The following FOXB2 variants were observed in gnomAD, a reference collection of about 807,000 sequenced individuals.
FOXB2 encodes forkhead box protein B2.
Under a neutral mutation model 0.9 loss-of-function variants are expected in FOXB2, and 1 was observed. The ratio of observed to expected loss-of-function variants is 1.09; its 90% confidence interval spans 0.39 to 5.18. The LOEUF (loss-of-function observed/expected upper bound fraction) is 5.18, where lower values mean the gene tolerates loss of function less well. FOXB2 is among the 30% of genes most tolerant of loss of function. The pLI is 0.16. For missense variants in FOXB2, 670 were observed against 626.6 expected (o/e 1.07, Z -0.74); for synonymous variants, 322 against 293.5 (o/e 1.10, Z -0.99).
chr9:77,020,694 C>T lies in FOXB2; in HGVS notation c.1040C>T (p.Pro347Leu), dbSNP rs1164355865. ...VGPEYGAFGV[P>L]VKSLCHSASQ... ...CCGGAGTATGGGGCCTTCGGGGTCCCGGTCAAGTCCCTGTGCCACTCGGCA... is the reference window on the plus strand; with the variant it reads ...CCGGAGTATGGGGCCTTCGGGGTCCTGGTCAAGTCCCTGTGCCACTCGGCA... The change falls in exon 1 of 1, where the codon CCG becomes CTG. Residue 347 changes from proline (P) to leucine (L), a missense_variant. By Grantham distance (98) the Pro-to-Leu change is moderately conservative. Coordinates refer to ENST00000376708, the MANE Select transcript of FOXB2 (RefSeq NM_001013735.1). The surrounding 1 kb of genome is among the most constrained non-coding windows in gnomAD (Gnocchi z 4.9). The T allele has an allele frequency of 2.5e-6, 4 of 1,601,338 alleles. No individual in the cohort carries two copies. The South Asian group carries it at 4.5e-5, about 18-fold the overall frequency.
Position 77,020,670 on chromosome 9 carries a change from C to A in FOXB2, c.1016C>A (p.Pro339Gln). 1 of 1,604,014 alleles carries A rather than the reference C, an allele frequency of 6.2e-7. No homozygotes were observed. Residue 339 changes from proline to glutamine, a missense_variant, in exon 1 of 1, where the codon CCG becomes CAG. Transcript: ENST00000376708. The surrounding 1 kb of genome is among the most constrained non-coding windows in gnomAD (Gnocchi z 4.9). ...GCCGCAGCCGGAGTCCCTGTAGGCC[C>A]GGAGTATGGGGCCTTCGGGGTCCCG... Reference protein sequence around the residue: ...AAAAAGVPVGPEYGAFGVPVK... With the variant: ...AAAAAGVPVGQEYGAFGVPVK...
At position 77,020,591 on chromosome 9, in the gene FOXB2, GT is replaced by G; in HGVS notation, c.938del (p.Val313GlyfsTer25). 1 of 1,608,140 alleles carries G rather than the reference GT, an allele frequency of 6.2e-7. No homozygotes were observed. The highest frequency in any genetic ancestry group is 8.5e-7 in the Non-Finnish European group (1 of 1,178,640). ...PGQLGNVVSSVWPHVGVMDSV... is the reference protein window; with the variant it reads ...PGQLGNVVSSXWPHVGVMDSV... Reference sequence around the variant, plus strand: ...CCAGCTTGGCAACGTCGTCAGCTCCGTGTGGCCGCACGTTGGCGTCATGGAT... The same window carrying G: ...CCAGCTTGGCAACGTCGTCAGCTCCGGTGGCCGCACGTTGGCGTCATGGAT... On this transcript the variant is annotated frameshift_variant, in exon 1 of 1. Transcript: ENST00000376708. LOFTEE classifies it low-confidence loss of function (END_TRUNC). This position sits in a 1 kb window ranked among gnomAD's most constrained non-coding sequence, Gnocchi z 4.9.
chr9:77,020,170 G>A lies in FOXB2; in HGVS notation c.516G>A (p.Pro172=). The change falls in exon 1 of 1, where the codon CCG becomes CCA. Residue 172 remains proline (P), a synonymous_variant. Coordinates refer to ENST00000376708, the MANE Select transcript of FOXB2 (RefSeq NM_001013735.1). The surrounding 1 kb of genome is among the most constrained non-coding windows in gnomAD (Gnocchi z 4.9). The part of the protein sequence containing the change: ...PPQPPPPPPP[P]PPHMVHYFHQ... Reference sequence around the variant, plus strand: ...AGCCGCCGCCGCCGCCGCCCCCGCCGCCGCCGCACATGGTACACTATTTCC... The same window carrying A: ...AGCCGCCGCCGCCGCCGCCCCCGCCACCGCCGCACATGGTACACTATTTCC... 8.1e-7 allele frequency: 1 copy of A among 1,235,920 alleles called. No homozygotes were observed. The allele number at this position is 1,235,920 out of a possible 1,614,324, so 76.6% of individuals were successfully genotyped here.
At position 77,020,076 on chromosome 9, in the gene FOXB2, ACCACCACCC is replaced by A; in HGVS notation, c.431_439del (p.Pro144_His146del). 2 of 1,120,668 alleles carry A rather than the reference ACCACCACCC, an allele frequency of 1.8e-6. No individual in the cohort carries two copies. Among genetic ancestry groups the A allele is most frequent in the South Asian group, 1.3e-5 (1 of 76,076 alleles). The allele number at this position is 1,120,668 out of a possible 1,614,324, so 69.4% of individuals were successfully genotyped here. ...GGAGGGCACCTTCACCCCCATCACCACCACCACCCCCACCACCACCATCATCACCACGCT... is the reference window on the plus strand; with the variant it reads ...GGAGGGCACCTTCACCCCCATCACCACCACCACCACCATCATCACCACGCT... On this transcript the variant is annotated inframe_deletion, in exon 1 of 1. Transcript: ENST00000376708. The surrounding 1 kb of genome is among the most constrained non-coding windows in gnomAD (Gnocchi z 4.9).
Position 77,020,214 on chromosome 9 carries a change from C to T in FOXB2, c.560C>T (p.Ala187Val), listed in dbSNP as rs1395270631. 4 of 1,184,420 alleles carry T rather than the reference C, an allele frequency of 3.4e-6. No homozygotes were observed. Among genetic ancestry groups the T allele is most frequent in the Non-Finnish European group, 5.0e-6 (4 of 802,178 alleles). The allele number at this position is 1,184,420 out of a possible 1,614,324, so 73.4% of individuals were successfully genotyped here. Residue 187 changes from alanine (A) to valine (V), a missense_variant, in exon 1 of 1, where the codon GCT (alanine) becomes GTT (valine). Physicochemically the swap from Ala to Val is moderately conservative, Grantham distance 64. Coordinates refer to ENST00000376708, the MANE Select transcript of FOXB2 (RefSeq NM_001013735.1). This position sits in a 1 kb window ranked among gnomAD's most constrained non-coding sequence, Gnocchi z 4.9. The stretch of plus-strand genomic sequence containing the variant: ...TATTTCCATCAGCAACCGCCTACTG[C>T]TCCGCAGCCGCCTCCGCACCTCCCG... ...VHYFHQQPPTAPQPPPHLPSQ... is the reference protein window; with the variant it reads ...VHYFHQQPPTVPQPPPHLPSQ...
At position 77,020,558 on chromosome 9, in the gene FOXB2, G is replaced by A. The variant is rs200620036; in HGVS notation, c.904G>A (p.Val302Met). The A allele has an allele frequency of 5.1e-4, 820 of 1,610,872 alleles. 5 individuals are homozygous for A. In the East Asian group the frequency reaches 0.014, roughly 28 times the overall value. ...CGTCATGCACCACCTGGGCTACCCC[G>A]TGCCCGGCCAGCTTGGCAACGTCGT... is the stretch of plus-strand genomic sequence containing the variant. ...ASVMHHLGYPVPGQLGNVVSS... is the reference protein window; with the variant it reads ...ASVMHHLGYPMPGQLGNVVSS... The change falls in exon 1 of 1, where the codon GTG (valine) becomes ATG (methionine). Residue 302 changes from valine (V) to methionine (M), a missense_variant. By Grantham distance (21) the Val-to-Met change is conservative. Coordinates refer to ENST00000376708, the MANE Select transcript of FOXB2 (RefSeq NM_001013735.1). The surrounding 1 kb of genome is among the most constrained non-coding windows in gnomAD (Gnocchi z 4.9).
In FOXB2 at chr9:77,019,951, C is replaced by A. The variant is rs773188709; in HGVS notation, c.297C>A (p.Asn99Lys). Residue 99 changes from asparagine (N) to lysine (K), a missense_variant, in exon 1 of 1, where the codon AAC becomes AAA. Coordinates refer to ENST00000376708, the MANE Select transcript of FOXB2 (RefSeq NM_001013735.1). This position sits in a 1 kb window ranked among gnomAD's most constrained non-coding sequence, Gnocchi z 4.4. ...LHPDCGDMFE[N>K]GSFLRRRKRF... is the part of the protein sequence containing the mutation. The stretch of plus-strand genomic sequence containing the variant: ...CCGACTGCGGGGACATGTTCGAGAA[C>A]GGCAGCTTCCTGCGGCGTCGCAAGC... The A allele has an allele frequency of 6.2e-7, 1 of 1,613,244 alleles. No individual in the cohort carries two copies. The highest frequency in any genetic ancestry group is 8.5e-7 in the Non-Finnish European group (1 of 1,180,016).
At position 77,020,421 on chromosome 9, in the gene FOXB2, C is replaced by T; in HGVS notation, c.767C>T (p.Ala256Val). 6.3e-7 allele frequency: 1 copy of T among 1,589,442 alleles called. No homozygotes were observed. The highest frequency in any genetic ancestry group is 1.7e-5 in the Admixed American group (1 of 58,174). ...PYGLGSAAAAAAAAAASTSGF... is the reference protein window; with the variant it reads ...PYGLGSAAAAVAAAAASTSGF... ...GGGCTGGGCTCGGCCGCCGCCGCTG[C>T]CGCCGCGGCCGCGGCGTCCACGTCA... The change falls in exon 1 of 1, where the codon GCC becomes GTC. Residue 256 changes from alanine to valine, a missense_variant. Coordinates refer to ENST00000376708, the MANE Select transcript of FOXB2 (RefSeq NM_001013735.1). This position sits in a 1 kb window ranked among gnomAD's most constrained non-coding sequence, Gnocchi z 4.9.
chr9:77,019,658 C>A lies in FOXB2; in HGVS notation c.4C>A (p.Pro2Thr). 6.4e-7 allele frequency: 1 copy of A among 1,567,662 alleles called. No homozygotes were observed. The highest frequency in any genetic ancestry group is 1.2e-5 in the South Asian group (1 of 85,846). ...GGCGGTGGAGGAGCCGGGGGCGATG[C>A]CGCGGCCGGGGAAGAGCTCGTACAG... The part of the protein sequence containing the change: M[P>T]RPGKSSYSDQ... The change falls in exon 1 of 1, where the codon CCG (proline) becomes ACG (threonine). Residue 2 changes from proline to threonine, a missense_variant. Physicochemically the swap from Pro to Thr is conservative, Grantham distance 38. Transcript: ENST00000376708. The surrounding 1 kb of genome is among the most constrained non-coding windows in gnomAD (Gnocchi z 4.4).
Position 77,020,075 on chromosome 9 carries a change from CA to C in FOXB2, c.422del (p.His141ProfsTer197). On this transcript the variant is annotated frameshift_variant, in exon 1 of 1. Transcript: ENST00000376708. LOFTEE classifies it low-confidence loss of function (END_TRUNC). This position sits in a 1 kb window ranked among gnomAD's most constrained non-coding sequence, Gnocchi z 4.9. Reference protein sequence around the residue: ...GPGGHLHPHHHHHPHHHHHHH... With the variant: ...GPGGHLHPHHXHHPHHHHHHH... Reference sequence around the variant, plus strand: ...GGGAGGGCACCTTCACCCCCATCACCACCACCACCCCCACCACCACCATCAT... The same window carrying C: ...GGGAGGGCACCTTCACCCCCATCACCCCACCACCCCCACCACCACCATCAT... 1 of 1,547,874 alleles carries C rather than the reference CA, an allele frequency of 6.5e-7. No homozygotes were observed. Among genetic ancestry groups the C allele is most frequent in the Non-Finnish European group, 8.7e-7 (1 of 1,147,700 alleles).
rs368133392 is a variant in FOXB2 at position 77,019,678 on chromosome 9, G to C, written c.24G>C (p.Ser8=). ...CGATGCCGCGGCCGGGGAAGAGCTC[G>C]TACAGCGACCAAAAACCGCCCTACT... is the stretch of plus-strand genomic sequence containing the variant. MPRPGKS[S]YSDQKPPYSY... The change falls in exon 1 of 1, where the codon TCG becomes TCC. Residue 8 remains serine (S), a synonymous_variant. Coordinates refer to ENST00000376708, the MANE Select transcript of FOXB2 (RefSeq NM_001013735.1). The surrounding 1 kb of genome is among the most constrained non-coding windows in gnomAD (Gnocchi z 4.4). 7 of 1,593,626 alleles carry C rather than the reference G, an allele frequency of 4.4e-6. No homozygotes were observed. Among genetic ancestry groups the C allele is most frequent in the East Asian group, 2.3e-5 (1 of 43,646 alleles).
Position 77,020,029 on chromosome 9 carries a change from G to A in FOXB2, c.375G>A (p.Lys125=). ...CTCACTTGCACGCGGGAAGCACCAA[G>A]AGCGCGCCGGGCGCCGGTCCGGGAG... ...DHTHLHAGST[K]SAPGAGPGGH... is the part of the protein sequence containing the mutation. The change falls in exon 1 of 1, where the codon AAG becomes AAA. Residue 125 remains lysine (K), a synonymous_variant. Coordinates refer to ENST00000376708, the MANE Select transcript of FOXB2 (RefSeq NM_001013735.1). The surrounding 1 kb of genome is among the most constrained non-coding windows in gnomAD (Gnocchi z 4.9). 5 of 1,609,468 alleles carry A rather than the reference G, an allele frequency of 3.1e-6. No homozygotes were observed. Among genetic ancestry groups the A allele is most frequent in the South Asian group, 1.1e-5 (1 of 90,844 alleles).
Position 77,020,392 on chromosome 9 carries a change from C to G in FOXB2, c.738C>G (p.Pro246=), listed in dbSNP as rs1226674490. Residue 246 remains proline, a synonymous_variant, in exon 1 of 1, where the codon CCC becomes CCG. Coordinates refer to ENST00000376708, the MANE Select transcript of FOXB2 (RefSeq NM_001013735.1). The surrounding 1 kb of genome is among the most constrained non-coding windows in gnomAD (Gnocchi z 4.9). The part of the protein sequence containing the change: ...GSVGRLSQFP[P]YGLGSAAAAA... ...TGGGACGCCTGTCTCAGTTCCCACC[C>G]TACGGGCTGGGCTCGGCCGCCGCCG... The G allele has an allele frequency of 1.6e-5, 25 of 1,563,694 alleles. No individual in the cohort carries two copies. Among genetic ancestry groups the G allele is most frequent in the Non-Finnish European group, 2.2e-5 (25 of 1,160,876 alleles).
At position 77,020,917 on chromosome 9, in the gene FOXB2, G is replaced by C. The variant is rs1433893061; in HGVS notation, c.1263G>C (p.Lys421Asn). 3 of 1,573,488 alleles carry C rather than the reference G, an allele frequency of 1.9e-6. No homozygotes were observed. Among genetic ancestry groups the C allele is most frequent in the East Asian group, 4.6e-5 (2 of 43,734 alleles). The change falls in exon 1 of 1, where the codon AAG (lysine) becomes AAC (asparagine). Residue 421 changes from lysine to asparagine, a missense_variant. Lys to Asn is a moderately conservative substitution (Grantham distance 94, BLOSUM62 0). Transcript: ENST00000376708. This position sits in a 1 kb window ranked among gnomAD's most constrained non-coding sequence, Gnocchi z 4.9. ...CAGCCCCTACCTCGGCCGAAAGCAA[G>C]GGCGGCTCCTTGCACTCGGTGCTAG... ...EPTAPTSAES[K>N]GGSLHSVLVH...
chr9:77,019,806 G>A lies in FOXB2; in HGVS notation c.152G>A (p.Arg51His). ...KFIMERFPYY[R>H]EHTQRWQNSL... is the part of the protein sequence containing the mutation. ...ATCATGGAGCGCTTCCCCTACTACC[G>A]CGAGCACACACAGCGCTGGCAGAAC... is the stretch of plus-strand genomic sequence containing the variant. Residue 51 changes from arginine to histidine, a missense_variant, in exon 1 of 1, where the codon CGC (arginine) becomes CAC (histidine). Arg to His is a conservative substitution (Grantham distance 29). Transcript: ENST00000376708. The surrounding 1 kb of genome is among the most constrained non-coding windows in gnomAD (Gnocchi z 4.4). 6.2e-7 allele frequency: 1 copy of A among 1,614,088 alleles called. No individual in the cohort carries two copies. Among genetic ancestry groups the A allele is most frequent in the Non-Finnish European group, 8.5e-7 (1 of 1,180,022 alleles).
rs780327644 is a variant in FOXB2 at position 77,019,811 on chromosome 9, C to T, written c.157C>T (p.His53Tyr). The T allele has an allele frequency of 2.9e-5, 46 of 1,614,006 alleles. No individual in the cohort carries two copies. Among genetic ancestry groups the T allele is most frequent in the Admixed American group, 8.3e-5 (5 of 60,004 alleles). The change falls in exon 1 of 1, where the codon CAC becomes TAC. Residue 53 changes from histidine to tyrosine, a missense_variant. Physicochemically the swap from His to Tyr is moderately conservative, Grantham distance 83. Coordinates refer to ENST00000376708, the MANE Select transcript of FOXB2 (RefSeq NM_001013735.1). This position sits in a 1 kb window ranked among gnomAD's most constrained non-coding sequence, Gnocchi z 4.4. Reference protein sequence around the residue: ...IMERFPYYREHTQRWQNSLRH... With the variant: ...IMERFPYYREYTQRWQNSLRH... ...GGAGCGCTTCCCCTACTACCGCGAG[C>T]ACACACAGCGCTGGCAGAACAGCCT...
In FOXB2 at chr9:77,020,140, AC is replaced by A; in HGVS notation, c.490del (p.Gln164SerfsTer174). On this transcript the variant is annotated frameshift_variant, in exon 1 of 1. Transcript: ENST00000376708. LOFTEE classifies it low-confidence loss of function (END_TRUNC). The surrounding 1 kb of genome is among the most constrained non-coding windows in gnomAD (Gnocchi z 4.9). ...CACACCACCACCATCACCACCACCC[AC>A]CCCAGCCGCCGCCGCCGCCGCCCCC... ...AAHHHHHHHP[P>X]QPPPPPPPPP... The A allele has an allele frequency of 1.5e-6, 2 of 1,331,442 alleles. No homozygotes were observed. Among genetic ancestry groups the A allele is most frequent in the Non-Finnish European group, 2.0e-6 (2 of 979,792 alleles). The allele number at this position is 1,331,442 out of a possible 1,614,324, so 82.5% of individuals were successfully genotyped here.
chr9:77,020,077 C>A lies in FOXB2; in HGVS notation c.423C>A (p.His141Gln), dbSNP rs757870643. 5.9e-6 allele frequency: 9 copies of A among 1,525,314 alleles called. No homozygotes were observed. In the South Asian group the frequency reaches 6.0e-5, roughly 10 times the overall value. 94.5% of individuals were successfully genotyped at this position (1,525,314 alleles called of 1,614,324 possible). ...GPGGHLHPHH[H>Q]HHPHHHHHHH... Reference sequence around the variant, plus strand: ...GAGGGCACCTTCACCCCCATCACCACCACCACCCCCACCACCACCATCATC... The same window carrying A: ...GAGGGCACCTTCACCCCCATCACCAACACCACCCCCACCACCACCATCATC... The change falls in exon 1 of 1, where the codon CAC becomes CAA. Residue 141 changes from histidine (H) to glutamine (Q), a missense_variant. Coordinates refer to ENST00000376708, the MANE Select transcript of FOXB2 (RefSeq NM_001013735.1). The surrounding 1 kb of genome is among the most constrained non-coding windows in gnomAD (Gnocchi z 4.9).
Position 77,020,660 on chromosome 9 carries a change from C to A in FOXB2, c.1006C>A (p.Pro336Thr). 1 of 1,603,058 alleles carries A rather than the reference C, an allele frequency of 6.2e-7. No homozygotes were observed. The highest frequency in any genetic ancestry group is 8.5e-7 in the Non-Finnish European group (1 of 1,176,152). The change falls in exon 1 of 1, where the codon CCT (proline) becomes ACT (threonine). Residue 336 changes from proline (P) to threonine (T), a missense_variant. Pro to Thr is a conservative substitution (Grantham distance 38, BLOSUM62 -1). Coordinates refer to ENST00000376708, the MANE Select transcript of FOXB2 (RefSeq NM_001013735.1). The surrounding 1 kb of genome is among the most constrained non-coding windows in gnomAD (Gnocchi z 4.9). ...AAAAAAAAGV[P>T]VGPEYGAFGV... is the part of the protein sequence containing the mutation. ...GGCCGCCGCAGCCGCAGCCGGAGTC[C>A]CTGTAGGCCCGGAGTATGGGGCCTT...
Sources: allele counts gnomAD v4.1 joint callset, GRCh38; gene constraint gnomAD v4.1.1; non-coding constraint Gnocchi (gnomAD v3.1); transcripts MANE v1.5; gene names NCBI Gene and HGNC (gene_info 2026-07-23, HGNC 2026-07-21).